Variants in EWSR1 observed in about 807,000 individuals in gnomAD.
EWSR1 encodes the protein EWS RNA binding protein 1.
Under a neutral mutation model 92.1 loss-of-function variants are expected in EWSR1, and 14 were observed. That is an observed-to-expected ratio of 0.15 (90% CI 0.10 to 0.24). The LOEUF is 0.24. Among genes scored for constraint, EWSR1 ranks in the 10% least tolerant of loss-of-function variants. EWSR1 has a pLI of 1.00. For missense variants in EWSR1, 637 were observed against 870.9 expected (o/e 0.73, Z 3.38); for synonymous variants, 303 against 292.9 (o/e 1.03, Z -0.35).
intron 6 of EWSR1, among the ~76,000 whole-genome samples, chr22:29,283,874 G>A (rs528094297): frequency 4.7e-5 from 7 of 150,522 alleles, no homozygotes; most frequent in African/African-American, 1.5e-4. Context: ...TGCTCTTGTT[G>A]CCCAGGCTGG....
At position 29,298,734 on chromosome 22, in the gene EWSR1, T is replaced by TCCAGGAGGC. The variant is rs755863352; in HGVS notation, c.1428_1436dup (p.Gly481_Pro483dup). 2 of 1,613,000 alleles carry TCCAGGAGGC rather than the reference T, an allele frequency of 1.2e-6. No homozygotes were observed. The highest frequency in any genetic ancestry group is 1.3e-5 in the African/African-American group (1 of 74,844). On this transcript the variant is annotated inframe_insertion and splice_region_variant, in exon 14 of 17. Coordinates refer to ENST00000397938, the MANE Select transcript of EWSR1 (RefSeq NM_005243.4). ...TGTTTCTTGTTGTTCTTGTTGTAGGTCCAGGAGGCCCAGGAGGTCCTGGGG... is the reference window on the plus strand; with the variant it reads ...TGTTTCTTGTTGTTCTTGTTGTAGGTCCAGGAGGCCCAGGAGGCCCAGGAGGTCCTGGGG...
intron 1 of EWSR1, among the ~76,000 whole-genome samples, chr22:29,271,834 T>TC (rs1761493077): frequency 6.6e-6 from 1 of 152,208 alleles, no homozygotes; most frequent in South Asian, 2.1e-4. Context: ...GTTGCATGCC[T>TC]CCGTTTTATA....
At chr22:29,289,442 G>A (rs890826097) in intron 8 of EWSR1, 1 of 231,882 alleles carries the variant, frequency 4.3e-6, no homozygotes, top group African/African-American at 2.2e-5. Flanking sequence ...GCACAATCTG[G>A]TTTAGAAAAC....
chr22:29,298,787 G>A lies in EWSR1; in HGVS notation c.1472G>A (p.Gly491Glu). 1.2e-6 allele frequency: 2 copies of A among 1,612,210 alleles called. No individual in the cohort carries two copies. Among genetic ancestry groups the A allele is most frequent in the Non-Finnish European group, 1.7e-6 (2 of 1,179,488 alleles). Residue 491 changes from glycine (G) to glutamate (E), a missense_variant, in exon 14 of 17, where the codon GGA becomes GAA. By Grantham distance (98) the Gly-to-Glu change is moderately conservative. Transcript: ENST00000397938. ...CCCATGGGTCGCATGGGAGGCCGTGGAGGAGATAGAGGAGGCTTCCCTCCA... is the reference window on the plus strand; with the variant it reads ...CCCATGGGTCGCATGGGAGGCCGTGAAGGAGATAGAGGAGGCTTCCCTCCA... ...GGPMGRMGGR[G>E]GDRGGFPPRG...
intron 5 of EWSR1, 70 bp downstream of exon 5, chr22:29,278,286 A>G: frequency 1.4e-6 from 2 of 1,458,088 alleles, no homozygotes; most frequent in South Asian, 1.3e-5. Context: ...GTACACTTAA[A>G]ATAATCTGTG....
At chr22:29,290,039 C>T (rs903707658) in intron 8 of EWSR1, 1 of 237,476 alleles carries the variant, frequency 4.2e-6, no homozygotes, top group Non-Finnish European at 8.2e-6. Flanking sequence ...TTTTAAATTG[C>T]AAATACAATT....
chr22:29,291,694 TA>T, intron 9 of EWSR1, 95 bp downstream of exon 9: 2 of 1,219,228 alleles, frequency 1.6e-6, no homozygotes, highest in Non-Finnish European at 1.2e-6. Context: ...ATAAGTGGTT[TA>T]AAAATGATCT....
At chr22:29,289,982 T>C (rs1390886442) in intron 8 of EWSR1, 1 of 232,440 alleles carries the variant, frequency 4.3e-6, no homozygotes, top group Non-Finnish European at 8.5e-6. Flanking sequence ...ACATAGACAC[T>C]TGAAAGTACT....
chr22:29,298,623 G>C (rs2061072071), intron 13 of EWSR1, 110 bp from the exon 14 acceptor site: 4 of 1,346,748 alleles, frequency 3.0e-6, no homozygotes, highest in African/African-American at 1.4e-5. Flanking sequence ...ACAGGTGATG[G>C]GGAAATGACA....
chr22:29,290,168 G>T, intron 8 of EWSR1: 1 of 383,678 alleles, frequency 2.6e-6, no homozygotes, highest in Non-Finnish European at 4.7e-6. Context: ...AAGAGACCAT[G>T]GCTTTCCCCA....
intron 6 of EWSR1, among the ~76,000 whole-genome samples, chr22:29,285,248 C>T (rs755909220): frequency 3.9e-4 from 58 of 149,394 alleles, no homozygotes; most frequent in Non-Finnish European, 4.6e-4. Context: ...CGCAGCCTCT[C>T]GAGTAGCTGG....
At chr22:29,299,877 G>C in intron 16 of EWSR1, 26 bp downstream of exon 16, 2 of 1,532,256 alleles carry the variant, frequency 1.3e-6, no homozygotes, top group Non-Finnish European at 1.8e-6. Context: ...AAGCAGCTGT[G>C]GGCCGCCAGG....
intron 5 of EWSR1, among the ~76,000 whole-genome samples, chr22:29,279,113 CAGA>C (rs904156983): frequency 6.6e-6 from 1 of 151,992 alleles, no homozygotes; most frequent in Admixed American, 6.5e-5. Flanking sequence ...TTTTTAAACC[CAGA>C]AGAAGAGAGA....
chr22:29,275,890 G>A, intron 4 of EWSR1: 1 of 229,322 alleles, frequency 4.4e-6, no homozygotes, highest in Non-Finnish European at 8.6e-6. Flanking sequence ...CATAGTAGGT[G>A]TGTTTTCTTT....
At chr22:29,296,117 A>G in intron 11 of EWSR1, 122 bp from the exon 12 acceptor site, 1 of 954,988 alleles carries the variant, frequency 1.0e-6, no homozygotes, top group Non-Finnish European at 1.5e-6. Flanking sequence ...AAGCGGAGAA[A>G]CGGTGACATT....
At chr22:29,276,656 C>T in intron 4 of EWSR1, 1 of 227,770 alleles carries the variant, frequency 4.4e-6, no homozygotes, top group Non-Finnish European at 8.7e-6. Context: ...TAAATGCCAG[C>T]ACCTAGACCA....
chr22:29,279,385 C>T (rs1029962805), intron 5 of EWSR1, among the ~76,000 whole-genome samples: 3 of 152,126 alleles, frequency 2.0e-5, no homozygotes, highest in African/African-American at 4.8e-5. Context: ...ACTGTCTCGG[C>T]TTAAGCAATT....
intron 8 of EWSR1, chr22:29,289,618 A>G (rs1305389940): frequency 8.6e-6 from 2 of 232,386 alleles, no homozygotes; most frequent in Admixed American, 1.1e-4. Flanking sequence ...CTGTCCCTAT[A>G]TAAACTGGTA....
chr22:29,285,034 G>C (rs545610866), intron 6 of EWSR1, among the ~76,000 whole-genome samples: 59 of 150,680 alleles, frequency 3.9e-4, no homozygotes, highest in Admixed American at 2.1e-3. Flanking sequence ...GGTCAGGCTA[G>C]TCTCGAACCC....
Sources: allele counts gnomAD v4.1 joint callset (sites outside exome capture counted in the v4.1 genomes callset), GRCh38; gene constraint gnomAD v4.1.1; transcripts MANE v1.5; gene names NCBI Gene and HGNC (gene_info 2026-07-23, HGNC 2026-07-21).